The following FAF1 variants were observed in gnomAD, a reference collection of about 807,000 sequenced individuals.
FAF1 encodes Fas associated factor 1, also known as FAS-associated factor 1.
A neutral mutation model predicts 92.5 loss-of-function variants in FAF1; 25 were observed. That is an observed-to-expected ratio of 0.27 (90% CI 0.20 to 0.38). The LOEUF (loss-of-function observed/expected upper bound fraction) is 0.38. Ranked by LOEUF, FAF1 falls within the 10% of genes least tolerant of loss-of-function variation. The probability of loss-of-function intolerance (pLI) is 1.00; values close to 1 mark genes in which losing one functional copy is unlikely to be tolerated. For missense variants in FAF1, 636 were observed against 793.3 expected (o/e 0.80, Z 2.38); for synonymous variants, 234 against 273.2 (o/e 0.86, Z 1.42).
chr1:50,459,951 G>C (rs201876011), intron 18 of FAF1, among the ~76,000 whole-genome samples: 2 of 152,134 alleles, frequency 1.3e-5, no homozygotes, highest in East Asian at 3.9e-4. Context: ...TTTTATGAGG[G>C]CAAGAATTCT....
chr1:50,849,078 G>A (rs897176552), intron 2 of FAF1, among the ~76,000 whole-genome samples: 1 of 151,936 alleles, frequency 6.6e-6, no homozygotes, highest in South Asian at 2.1e-4. Flanking sequence ...CCAATATGGT[G>A]AAACCCCGCC....
chr1:50,493,609 A>C (rs898970831), intron 15 of FAF1, among the ~76,000 whole-genome samples: 1 of 152,196 alleles, frequency 6.6e-6, no homozygotes, highest in African/African-American at 2.4e-5. Flanking sequence ...TTAATGCTAA[A>C]CTACCCCATG....
chr1:50,448,324 T>C (rs1646253023), intron 18 of FAF1, among the ~76,000 whole-genome samples: 1 of 152,214 alleles, frequency 6.6e-6, no homozygotes, highest in African/African-American at 2.4e-5. Context: ...ACCTCCTAGC[T>C]GTCTGATGAC....
chr1:50,596,191 G>A lies in FAF1; in HGVS notation c.770C>T (p.Ser257Phe). Residue 257 changes from serine to phenylalanine, a missense_variant, in exon 9 of 19, where the codon TCT becomes TTT. Physicochemically the swap from Ser to Phe is radical, Grantham distance 155. Around this residue, in one of 2 missense-constraint regions of FAF1, gnomAD observed 317 missense variants for 342.4 expected, o/e 0.93. Transcript: ENST00000396153. ...DSMCLAESGL[S>F]YPCHRLTVGR... ...CACTGTAAGTCGATGGCAGGGATAA[G>A]AGAGCCCTGATTCAGCAAGACACAT... 1.9e-6 allele frequency: 3 copies of A among 1,613,708 alleles called. No homozygotes were observed. In the South Asian group the frequency reaches 3.3e-5, roughly 18 times the overall value.
At chr1:50,619,171 GTCTTA>G (rs1412612374) in intron 8 of FAF1, among the ~76,000 whole-genome samples, 1 of 152,162 alleles carries the variant, frequency 6.6e-6, no homozygotes, top group African/African-American at 2.4e-5. Context: ...AGATGGTTGG[GTCTTA>G]TCTTTTTATT....
chr1:50,781,996 C>T (rs890836103), intron 4 of FAF1, among the ~76,000 whole-genome samples: 1 of 152,082 alleles, frequency 6.6e-6, no homozygotes, highest in Non-Finnish European at 1.5e-5. Context: ...TAGCACAATA[C>T]ATTATTCATA....
chr1:50,550,690 A>G (rs958741310), intron 13 of FAF1, among the ~76,000 whole-genome samples: 1 of 152,242 alleles, frequency 6.6e-6, no homozygotes, highest in Non-Finnish European at 1.5e-5. Flanking sequence ...AAGATTAAAT[A>G]CAAAGCCCTC....
At chr1:50,697,715 A>G (rs1297207529) in intron 7 of FAF1, among the ~76,000 whole-genome samples, 11 of 152,168 alleles carry the variant, frequency 7.2e-5, no homozygotes, top group Non-Finnish European at 1.3e-4. Flanking sequence ...TCACGCAATG[A>G]CCACAAAGCA....
chr1:50,905,043 C>G (rs563935388), intron 1 of FAF1, among the ~76,000 whole-genome samples: 1 of 152,132 alleles, frequency 6.6e-6, no homozygotes, highest in Non-Finnish European at 1.5e-5. Flanking sequence ...ACCAGCCCCC[C>G]ACCCCACAAC....
chr1:50,456,272 C>T (rs969872707), intron 18 of FAF1, among the ~76,000 whole-genome samples: 1 of 152,044 alleles, frequency 6.6e-6, no homozygotes, highest in Non-Finnish European at 1.5e-5. Context: ...CTAAGAATGT[C>T]TTGCTGGAGA....
chr1:50,869,419 T>C (rs953966540), intron 1 of FAF1, among the ~76,000 whole-genome samples: 4 of 152,182 alleles, frequency 2.6e-5, no homozygotes, highest in Non-Finnish European at 4.4e-5. Context: ...CATCCCATTC[T>C]CTGGTGGCTT....
intron 7 of FAF1, among the ~76,000 whole-genome samples, chr1:50,661,755 TCACTGG>T (rs939088250): frequency 3.5e-4 from 54 of 152,278 alleles, no homozygotes; most frequent in Admixed American, 1.0e-3. Flanking sequence ...ATCCTAGCAA[TCACTGG>T]CACTCTGAAA....
intron 8 of FAF1, among the ~76,000 whole-genome samples, chr1:50,649,923 C>T (rs1480423237): frequency 6.6e-6 from 1 of 151,442 alleles, no homozygotes; most frequent in Non-Finnish European, 1.5e-5. Context: ...CAAGACCATG[C>T]CATTGCATTC....
At chr1:50,743,391 G>C (rs1018846659) in intron 5 of FAF1, among the ~76,000 whole-genome samples, 2 of 152,012 alleles carry the variant, frequency 1.3e-5, no homozygotes, top group Admixed American at 6.6e-5. Flanking sequence ...ACAGTGGCAC[G>C]ATCTCGGCTC....
At chr1:50,863,811 C>T (rs943273427) in intron 1 of FAF1, among the ~76,000 whole-genome samples, 3 of 151,944 alleles carry the variant, frequency 2.0e-5, no homozygotes, top group Non-Finnish European at 2.9e-5. Context: ...TGGTAGAATT[C>T]GGCTGTGAAT....
chr1:50,616,284 T>C (rs765735763), intron 8 of FAF1, among the ~76,000 whole-genome samples: 1 of 152,088 alleles, frequency 6.6e-6, no homozygotes, highest in Non-Finnish European at 1.5e-5. Context: ...AAGTCCCATT[T>C]TGTTCTTTCA....
At chr1:50,807,519 A>G (rs1360286000) in intron 2 of FAF1, among the ~76,000 whole-genome samples, 1 of 152,184 alleles carries the variant, frequency 6.6e-6, no homozygotes, top group Non-Finnish European at 1.5e-5. Context: ...CACTGGGGGT[A>G]AATCCACCCC....
chr1:50,952,903 G>A (rs1043247348), intron 1 of FAF1, among the ~76,000 whole-genome samples: 1 of 152,248 alleles, frequency 6.6e-6, no homozygotes, highest in Non-Finnish European at 1.5e-5. Flanking sequence ...ATACCCAACA[G>A]CTCATTGAGA....
At chr1:50,864,117 G>T (rs1644460173) in intron 1 of FAF1, among the ~76,000 whole-genome samples, 1 of 151,044 alleles carries the variant, frequency 6.6e-6, no homozygotes. Flanking sequence ...AGTCTTGCTA[G>T]CGGTCTATCA....
Sources: gnomAD v4.1 joint callset for allele counts (sites outside exome capture counted in the v4.1 genomes callset) on GRCh38, gnomAD v4.1.1 for gene constraint, gnomAD v4.1.1 regional missense constraint, MANE v1.5 for transcripts, NCBI Gene and HGNC (gene_info 2026-07-23, HGNC 2026-07-21) for gene names.